Variants in LCA5 observed in about 807,000 individuals in gnomAD.
LCA5 encodes lebercilin.
In LCA5, 37 loss-of-function variants were observed where a neutral mutation model predicts 53.0. That is an observed-to-expected ratio of 0.70 (90% CI 0.54 to 0.92). LCA5 has a LOEUF of 0.92. Ranked by LOEUF, LCA5 falls within the 40% of genes least tolerant of loss-of-function variation. LCA5 has a pLI of 0.00. For synonymous variants in LCA5, 303 were observed against 282.9 expected (o/e 1.07, Z -0.71); for missense variants, 806 against 790.5 (o/e 1.02, Z -0.23).
chr6:79,533,185 A>T (rs1221208223), intron 1 of LCA5, among the ~76,000 whole-genome samples: 6 of 152,168 alleles, frequency 3.9e-5, no homozygotes. Flanking sequence ...TGACTAATGT[A>T]ATGTAGACAT....
intron 3 of LCA5, among the ~76,000 whole-genome samples, chr6:79,504,208 C>G (rs1460888794): frequency 2.0e-5 from 3 of 152,204 alleles, no homozygotes; most frequent in Non-Finnish European, 2.9e-5. Context: ...GACCCAGGGA[C>G]TTCCTCTTCC....
Position 79,496,005 on chromosome 6 carries a change from A to G in LCA5, c.721-2255T>C, listed in dbSNP as rs1054631328. Among the ~76,000 whole-genome samples, 4 of 152,150 alleles carry G rather than the reference A, an allele frequency of 2.6e-5. No homozygotes were observed. In the East Asian group the frequency reaches 7.7e-4, roughly 29 times the overall value. On this transcript the variant is annotated intron_variant, in intron 3 of 7. Coordinates refer to ENST00000369846, the MANE Select transcript of LCA5 (RefSeq NM_001122769.3). ...TCAGTAACATGAAACCAAAAAGCTC[A>G]GCAAAAAAATGGAGGAAATATGTAA...
chr6:79,499,355 T>C (rs1770068561), intron 3 of LCA5, among the ~76,000 whole-genome samples: 1 of 151,964 alleles, frequency 6.6e-6, no homozygotes, highest in Non-Finnish European at 1.5e-5. Flanking sequence ...TTAGAAAAAA[T>C]ATATCCTACA....
chr6:79,492,041 A>G (rs1769859508), intron 5 of LCA5, among the ~76,000 whole-genome samples: 1 of 152,034 alleles, frequency 6.6e-6, no homozygotes, highest in Non-Finnish European at 1.5e-5. Flanking sequence ...TTTATACTTT[A>G]AAATCTTGCA....
intron 3 of LCA5, among the ~76,000 whole-genome samples, chr6:79,505,875 A>G (rs1291886119): frequency 6.6e-6 from 1 of 152,162 alleles, no homozygotes; most frequent in African/African-American, 2.4e-5. Flanking sequence ...TTCTGAATAA[A>G]CTAAGAAGAG....
rs1268580677 is a variant in LCA5, at chr6:79,517,205, T to C, written c.190+1500A>G. ...CCACAGATTTTAATTCAAAGGACAGTGTAAAACAGAAAACGGTACAAGTCA... is the reference window on the plus strand; with the variant it reads ...CCACAGATTTTAATTCAAAGGACAGCGTAAAACAGAAAACGGTACAAGTCA... On this transcript the variant is annotated intron_variant, in intron 2 of 7. Coordinates refer to ENST00000369846, the MANE Select transcript of LCA5 (RefSeq NM_001122769.3). 5.9e-5 allele frequency among the ~76,000 whole-genome samples: 9 copies of C among 152,028 alleles called. No individual in the cohort carries two copies. In the South Asian group the frequency reaches 1.4e-3, roughly 24 times the overall value.
chr6:79,519,573 T>A (rs1310598718), intron 1 of LCA5, among the ~76,000 whole-genome samples: 1 of 151,814 alleles, frequency 6.6e-6, no homozygotes, highest in South Asian at 2.1e-4. Flanking sequence ...AAAAATTAGC[T>A]GGGCGTGGTG....
At chr6:79,495,511 G>GGAGGCC (rs1243671711) in intron 3 of LCA5, among the ~76,000 whole-genome samples, 2 of 151,966 alleles carry the variant, frequency 1.3e-5, no homozygotes, top group Non-Finnish European at 1.5e-5. Flanking sequence ...CAGCACTCTG[G>GGAGGCC]GAGGCCGAGG....
At chr6:79,512,492 T>C (rs1766256141) in intron 3 of LCA5, among the ~76,000 whole-genome samples, 1 of 152,116 alleles carries the variant, frequency 6.6e-6, no homozygotes, top group Admixed American at 6.6e-5. Flanking sequence ...ACCTAATTTA[T>C]TTGTAGTTCT....
At chr6:79,519,136 C>T (rs764847978) in intron 1 of LCA5, 51 bp from the exon 2 acceptor site, 3 of 545,270 alleles carry the variant, frequency 5.5e-6, no homozygotes, top group Non-Finnish European at 9.8e-6. Flanking sequence ...TCTACAGTTT[C>T]TACAGTTAAT....
chr6:79,525,247 T>A lies in LCA5; in HGVS notation c.-191-6162A>T, dbSNP rs573761830. On this transcript the variant is annotated intron_variant, in intron 1 of 7. Transcript: ENST00000369846. ...ACTTCTGGTTTTATTCCTTTGAAGA[T>A]AATTTCTGGTTGATCATTTATACTT... 48 of 152,288 alleles carry A rather than the reference T, an allele frequency of 3.2e-4. 1 individual carries two copies. Among genetic ancestry groups the A allele is most frequent in the African/African-American group, 1.1e-3 (45 of 41,554 alleles). 9.4% of individuals were successfully genotyped at this position (152,288 alleles called of 1,614,324 possible).
chr6:79,496,711 A>C (rs1039356789), intron 3 of LCA5, among the ~76,000 whole-genome samples: 2 of 152,154 alleles, frequency 1.3e-5, no homozygotes, highest in Admixed American at 6.5e-5. Context: ...AAAGGCATTA[A>C]AACTTTTTAT....
chr6:79,526,373 T>C (rs1766788940), intron 1 of LCA5, among the ~76,000 whole-genome samples: 2 of 151,852 alleles, frequency 1.3e-5, no homozygotes, highest in Admixed American at 6.6e-5. Context: ...TGAAACCCCG[T>C]CTCTACTAAA....
At position 79,513,233 on chromosome 6, in the gene LCA5, A is replaced by T; in HGVS notation, c.699T>A (p.Asp233Glu). The T allele has an allele frequency of 1.9e-6, 3 of 1,613,470 alleles. No individual in the cohort carries two copies. Among genetic ancestry groups the T allele is most frequent in the Non-Finnish European group, 2.5e-6 (3 of 1,179,656 alleles). The stretch of plus-strand genomic sequence containing the variant: ...GTACCTTAATTCTTCTCTCGGTGTC[A>T]TCTAACTTTAACTCTGCTGAAACTA... ...KKLVSAELKLDDTERRIKELS... is the reference protein window; with the variant it reads ...KKLVSAELKLEDTERRIKELS... Residue 233 changes from aspartate to glutamate, a missense_variant, in exon 3 of 8, where the codon GAT (aspartate) becomes GAA (glutamate). Coordinates refer to ENST00000369846, the MANE Select transcript of LCA5 (RefSeq NM_001122769.3).
chr6:79,490,201 G>A (rs1018106911), intron 6 of LCA5, among the ~76,000 whole-genome samples: 5 of 152,000 alleles, frequency 3.3e-5, no homozygotes, highest in Admixed American at 1.3e-4. Flanking sequence ...AACTTAGCTT[G>A]TACTCTAAGC....
chr6:79,510,363 A>C (rs928146794), intron 3 of LCA5, among the ~76,000 whole-genome samples: 1 of 152,212 alleles, frequency 6.6e-6, no homozygotes, highest in Non-Finnish European at 1.5e-5. Flanking sequence ...ACTCAAAATG[A>C]ATCATGGACT....
At chr6:79,522,907 T>C (rs78525665) in intron 1 of LCA5, among the ~76,000 whole-genome samples, 4 of 148,462 alleles carry the variant, frequency 2.7e-5, no homozygotes, top group Admixed American at 2.0e-4. Flanking sequence ...ATACTGTCTT[T>C]TTTTTTTTTT....
intron 1 of LCA5, among the ~76,000 whole-genome samples, chr6:79,523,607 C>A (rs1304966260): frequency 6.6e-6 from 1 of 152,176 alleles, no homozygotes; most frequent in Non-Finnish European, 1.5e-5. Context: ...TCTTTGTCAA[C>A]AACTTTCAGT....
Position 79,501,779 on chromosome 6 carries a change from A to C in LCA5, c.721-8029T>G, listed in dbSNP as rs545422625. ...AACTGTATATACTATACTGAGTTCT[A>C]TATAGTTCTCTCTATATAATATATA... On this transcript the variant is annotated intron_variant, in intron 3 of 7. Coordinates refer to ENST00000369846, the MANE Select transcript of LCA5 (RefSeq NM_001122769.3). Among the ~76,000 whole-genome samples the C allele has an allele frequency of 3.3e-5, 5 of 151,074 alleles. No homozygotes were observed. The South Asian group carries it at 1.0e-3, about 31-fold the overall frequency.
Sources: allele counts gnomAD v4.1 joint callset (sites outside exome capture counted in the v4.1 genomes callset), GRCh38; gene constraint gnomAD v4.1.1; transcripts MANE v1.5; gene names NCBI Gene and HGNC (gene_info 2026-07-23, HGNC 2026-07-21).